ALCAM: variants seen among roughly 807,000 people sequenced by gnomAD.
ALCAM encodes the protein CD166 antigen.
Under a neutral mutation model 70.9 loss-of-function variants are expected in ALCAM, and 30 were observed. The ratio of observed to expected loss-of-function variants is 0.42; its 90% CI spans 0.32 to 0.57. The LOEUF is 0.57. Ranked by LOEUF, ALCAM falls within the 20% of genes least tolerant of loss-of-function variation. ALCAM has a pLI of 0.11. For missense variants in ALCAM, 591 were observed against 695.1 expected, an observed-to-expected ratio of 0.85 and a Z score of 1.68; for synonymous variants, 249 against 242.5, an observed-to-expected ratio of 1.03 and a Z score of -0.25.
intron 1 of ALCAM, among the ~76,000 whole-genome samples, chr3:105,453,712 G>A (rs36127464): frequency 6.6e-6 from 1 of 152,192 alleles, no homozygotes; most frequent in Non-Finnish European, 1.5e-5. Context: ...AGGATGGAAT[G>A]ATTTTCTGTT....
chr3:105,441,078 C>A (rs1447354811), intron 1 of ALCAM, among the ~76,000 whole-genome samples: 1 of 152,134 alleles, frequency 6.6e-6, no homozygotes, highest in Admixed American at 6.5e-5. Flanking sequence ...TAAGATCTGA[C>A]TTTATGTCTT....
chr3:105,519,047 G>GA (rs1939461823), intron 1 of ALCAM, among the ~76,000 whole-genome samples: 1 of 151,894 alleles, frequency 6.6e-6, no homozygotes, highest in Non-Finnish European at 1.5e-5. Context: ...AATATCATTT[G>GA]TTTTTTTCTC....
intron 1 of ALCAM, among the ~76,000 whole-genome samples, chr3:105,517,899 C>T (rs1344613268): frequency 1.3e-5 from 2 of 152,032 alleles, no homozygotes; most frequent in Admixed American, 6.6e-5. Context: ...AGATGCTAGG[C>T]GTTGTTTCTG....
intron 14 of ALCAM, among the ~76,000 whole-genome samples, chr3:105,563,575 A>G (rs930424186): frequency 9.1e-5 from 13 of 142,528 alleles, no homozygotes; most frequent in African/African-American, 2.7e-5. Flanking sequence ...AAATATCGGT[A>G]TGTTGTGTTT....
intron 1 of ALCAM, among the ~76,000 whole-genome samples, chr3:105,379,431 A>G (rs1420155951): frequency 6.6e-6 from 1 of 151,896 alleles, no homozygotes; most frequent in African/African-American, 2.4e-5. Flanking sequence ...CAGGAAAAAC[A>G]AAAGAACATA....
intron 1 of ALCAM, among the ~76,000 whole-genome samples, chr3:105,476,330 T>A (rs750725610): frequency 3.9e-5 from 6 of 152,096 alleles, no homozygotes; most frequent in Non-Finnish European, 8.8e-5. Context: ...TTCACAACCA[T>A]GACTACCATT....
intron 1 of ALCAM, among the ~76,000 whole-genome samples, chr3:105,473,465 C>T (rs115569938): frequency 0.016 from 2,501 of 151,650 alleles, 35 homozygotes; most frequent in African/African-American, 0.036. Flanking sequence ...CTATAACTCT[C>T]TTGTCCTTTT....
chr3:105,417,714 T>C (rs1936539228), intron 1 of ALCAM, among the ~76,000 whole-genome samples: 1 of 151,032 alleles, frequency 6.6e-6, no homozygotes, highest in Admixed American at 6.6e-5. Flanking sequence ...ATATTTTCTA[T>C]AAATTTTACT....
chr3:105,534,900 A>G (rs1939931983), intron 6 of ALCAM, 55 bp downstream of exon 6: 2 of 1,475,416 alleles, frequency 1.4e-6, no homozygotes, highest in Admixed American at 2.1e-5. Flanking sequence ...TAATATTCAA[A>G]TGCTATTAAT....
chr3:105,511,945 G>A (rs1276212865), intron 1 of ALCAM, among the ~76,000 whole-genome samples: 1 of 151,778 alleles, frequency 6.6e-6, no homozygotes, highest in East Asian at 1.9e-4. Context: ...TTATAACACA[G>A]CATTTTCTAA....
intron 1 of ALCAM, among the ~76,000 whole-genome samples, chr3:105,485,402 C>T (rs921502664): frequency 2.6e-5 from 4 of 151,626 alleles, no homozygotes; most frequent in African/African-American, 9.7e-5. Context: ...TGTGTGCGCG[C>T]ACATCCACAT....
Position 105,469,398 on chromosome 3 carries a change from C to T in ALCAM, c.74-50669C>T, listed in dbSNP as rs960835986. 3.3e-5 allele frequency among the ~76,000 whole-genome samples: 5 copies of T among 151,286 alleles called. 1 individual carries two copies. In the East Asian group the frequency reaches 9.7e-4, roughly 29 times the overall value. ...TCTTTTTCAGTATTTCTTCTCCTCG[C>T]TTTCCAGGTGCTATGGTGGTTCCAA... On this transcript the variant is annotated intron_variant, in intron 1 of 15. Transcript: ENST00000306107.
intron 1 of ALCAM, among the ~76,000 whole-genome samples, chr3:105,484,216 A>C (rs958159387): frequency 6.6e-6 from 1 of 151,334 alleles, no homozygotes; most frequent in African/African-American, 2.4e-5. Context: ...CAACTAGGAA[A>C]GTTACAAAGT....
chr3:105,417,857 A>G (rs185247321), intron 1 of ALCAM, among the ~76,000 whole-genome samples: 102 of 151,872 alleles, frequency 6.7e-4, no homozygotes, highest in African/African-American at 2.3e-3. Context: ...CCTCTTGTCA[A>G]TATTCTTGGA....
intron 1 of ALCAM, among the ~76,000 whole-genome samples, chr3:105,473,168 T>TA (rs1414215135): frequency 1.3e-5 from 2 of 151,474 alleles, no homozygotes; most frequent in African/African-American, 4.8e-5. Context: ...TATTGTAATG[T>TA]AAAAAATATA....
chr3:105,489,082 A>G (rs1576197010), intron 1 of ALCAM, among the ~76,000 whole-genome samples: 1 of 152,300 alleles, frequency 6.6e-6, no homozygotes, highest in East Asian at 1.9e-4. Context: ...ACTGAAGAGT[A>G]TTAAAGGGAA....
At chr3:105,382,452 C>A (rs1011193691) in intron 1 of ALCAM, among the ~76,000 whole-genome samples, 2 of 152,066 alleles carry the variant, frequency 1.3e-5, no homozygotes, top group African/African-American at 4.8e-5. Flanking sequence ...TGGGTATATA[C>A]CCAGTAATGG....
intron 1 of ALCAM, among the ~76,000 whole-genome samples, chr3:105,508,828 T>TGC (rs1174815497): frequency 2.0e-5 from 3 of 151,460 alleles, no homozygotes; most frequent in African/African-American, 4.8e-5. Context: ...TTTCTAGTTG[T>TGC]GTCCTATACA....
intron 1 of ALCAM, among the ~76,000 whole-genome samples, chr3:105,446,187 A>C (rs1298771488): frequency 1.3e-5 from 2 of 152,186 alleles, no homozygotes; most frequent in Non-Finnish European, 2.9e-5. Flanking sequence ...TATTTCTCAA[A>C]AGAAGATAAA....
Sources: allele counts gnomAD v4.1 joint callset (sites outside exome capture counted in the v4.1 genomes callset), GRCh38; gene constraint gnomAD v4.1.1; transcripts MANE v1.5; gene names NCBI Gene and HGNC (gene_info 2026-07-23, HGNC 2026-07-21).